SRMS: variants seen among roughly 807,000 people sequenced by gnomAD.
SRMS encodes tyrosine-protein kinase Srms.
SRMS carries 42 observed loss-of-function variants against 43.5 expected under a neutral mutation model. The ratio of observed to expected loss-of-function variants is 0.97; its 90% CI spans 0.75 to 1.25. The LOEUF is 1.25. SRMS is among the 50% of genes most tolerant of loss of function. The probability of loss-of-function intolerance (pLI) is 0.00; values close to 1 mark genes in which losing one functional copy is unlikely to be tolerated. For missense variants in SRMS, 703 were observed against 681.0 expected (o/e 1.03, Z -0.36); for synonymous variants, 316 against 308.2 (o/e 1.03, Z -0.27).
intron 1 of SRMS, among the ~76,000 whole-genome samples, 163 bp from the exon 2 acceptor site, chr20:63,544,511 C>T (rs2082720794): frequency 6.6e-6 from 1 of 152,220 alleles, no homozygotes; most frequent in Non-Finnish European, 1.5e-5. Context: ...TGCACTGCCT[C>T]AGCCCCCAGT....
intron 5 of SRMS, 47 bp downstream of exon 5, chr20:63,542,116 C>T (rs745689202): frequency 1.6e-5 from 25 of 1,573,980 alleles, no homozygotes; most frequent in East Asian, 1.1e-4. Flanking sequence ...AGGGAAGGGG[C>T]GGTCGCAGGC....
chr20:63,547,336 G>A lies in SRMS; in HGVS notation c.128C>T (p.Thr43Met), dbSNP rs934369393. 17 of 1,591,090 alleles carry A rather than the reference G, an allele frequency of 1.1e-5. No individual in the cohort carries two copies. Among genetic ancestry groups the A allele is most frequent in the African/African-American group, 2.7e-5 (2 of 74,304 alleles). The stretch of plus-strand genomic sequence containing the variant: ...GGGGCTGCAAGGCTCGGCGGGGAGC[G>A]TGGGCACTGGGTCAGTGTTGGGGTC... ...SLDPNTDPVP[T>M]LPAEPCSPFP... The change falls in exon 1 of 8, where the codon ACG (threonine) becomes ATG (methionine). Residue 43 changes from threonine to methionine, a missense_variant. Coordinates refer to ENST00000217188, the MANE Select transcript of SRMS (RefSeq NM_080823.4).
intron 3 of SRMS, 69 bp from the exon 4 acceptor site, chr20:63,542,650 C>A (rs2082711499): frequency 4.1e-5 from 62 of 1,503,504 alleles, no homozygotes; most frequent in Non-Finnish European, 4.9e-5. Flanking sequence ...CACAGCCCCC[C>A]ACACCAGGCC....
intron 5 of SRMS, 91 bp from the exon 6 acceptor site, chr20:63,541,711 C>G (rs947575703): frequency 1.5e-6 from 2 of 1,376,566 alleles, no homozygotes; most frequent in Non-Finnish European, 1.9e-6. Flanking sequence ...CATGCCTCAG[C>G]CTCCTCATCT....
rs200183703 is a variant in SRMS at position 63,540,856 on chromosome 20, G to T, written c.1429C>A (p.Arg477=). The T allele has an allele frequency of 2.0e-5, 32 of 1,605,248 alleles. 1 individual carries two copies. The highest frequency in any genetic ancestry group is 6.7e-5 in the Admixed American group (4 of 59,932). ...CTGTGGATGGCGTGCAGCTTCTCCC[G>T]CAGCGTGGCGAAGGAGGGCCGTTCC... ...PEERPSFATL[R]EKLHAIHRCH... The change falls in exon 8 of 8, where the codon CGG becomes AGG. Residue 477 remains arginine, a synonymous_variant. Transcript: ENST00000217188.
rs768410514 is a variant in SRMS, at chr20:63,542,459, C to T, written c.768G>A (p.Ala256=). 1.2e-5 allele frequency: 19 copies of T among 1,611,756 alleles called. No individual in the cohort carries two copies. The East Asian group carries it at 2.0e-4, about 17-fold the overall frequency. The change falls in exon 4 of 8, where the codon GCG becomes GCA. Residue 256 remains alanine (A), a synonymous_variant. Coordinates refer to ENST00000217188, the MANE Select transcript of SRMS (RefSeq NM_080823.4). ...EGLWLGSLPV[A]IKVIKSANMK... ...CCTCACCTGACTTGATGACCTTGAT[C>T]GCCACGGGCAGGGAGCCCAGCCACA...
rs565503170 is a variant in SRMS, at chr20:63,540,237, G to A, written c.*581C>T. Among the ~76,000 whole-genome samples, 22 of 152,198 alleles carry A rather than the reference G, an allele frequency of 1.4e-4. No individual in the cohort carries two copies. The highest frequency in any genetic ancestry group is 2.4e-4 in the Non-Finnish European group (16 of 68,030). The stretch of plus-strand genomic sequence containing the variant: ...GAGGGGCAGGTGACGGTGCCACCCC[G>A]TGCCTACATACCACACATCCAGTGG... On this transcript the variant is annotated 3_prime_UTR_variant, in exon 8 of 8. Coordinates refer to ENST00000217188, the MANE Select transcript of SRMS (RefSeq NM_080823.4).
chr20:63,546,982 C>T (rs2082735236), intron 1 of SRMS, 126 bp downstream of exon 1: 12 of 897,560 alleles, frequency 1.3e-5, no homozygotes, highest in Non-Finnish European at 1.9e-5. Context: ...TGAATGAATG[C>T]GTGGATGAAC....
chr20:63,542,595 G>T lies in SRMS; in HGVS notation c.646-14C>A. On this transcript the variant is annotated splice_polypyrimidine_tract_variant and intron_variant, in intron 3 of 7. Coordinates refer to ENST00000217188, the MANE Select transcript of SRMS (RefSeq NM_080823.4). ...CCTCGGGGCCTTCTGCAGGGAGGGT[G>T]GGCAGGGAGGCTGGTCAGCGTGGGC... 1.2e-6 allele frequency: 2 copies of T among 1,600,076 alleles called. No homozygotes were observed. The highest frequency in any genetic ancestry group is 2.3e-5 in the South Asian group (2 of 88,580).
At chr20:63,542,085 C>A in intron 5 of SRMS, 78 bp downstream of exon 5, 1 of 1,535,496 alleles carries the variant, frequency 6.5e-7, no homozygotes. Flanking sequence ...GGAAACCCCG[C>A]AGGTTCAGCT....
At chr20:63,544,578 C>T (rs955110245) in intron 1 of SRMS, among the ~76,000 whole-genome samples, 3 of 152,244 alleles carry the variant, frequency 2.0e-5, no homozygotes, top group South Asian at 2.1e-4. Context: ...GTGGGCTCTC[C>T]GTTAGCCCTG....
rs778999480 is a variant in SRMS at position 63,542,162 on chromosome 20, C to T, written c.946+1G>A. The T allele has an allele frequency of 1.6e-5, 25 of 1,604,966 alleles. No individual in the cohort carries two copies. The highest frequency in any genetic ancestry group is 9.0e-5 in the East Asian group (4 of 44,528). ...CACGTGGCAGCAGGGAGGGGACTCA[C>T]TGCCCAGGAAGGCCTGCAGGTTCCC... On this transcript the variant is annotated splice_donor_variant, in intron 5 of 7. Coordinates refer to ENST00000217188, the MANE Select transcript of SRMS (RefSeq NM_080823.4). LOFTEE classifies it high-confidence loss of function.
In SRMS at chr20:63,543,418, G is replaced by C. The variant is rs1230302608; in HGVS notation, c.541C>G (p.Leu181Val). ...CCGGGAAAGAGCCGTCCCTTCTGCA[G>C]GTAGAGGCTGCCATCAGCTGCCATG... Reference protein sequence around the residue: ...VSMAADGSLYLQKGRLFPGLE... With the variant: ...VSMAADGSLYVQKGRLFPGLE... The change falls in exon 3 of 8, where the codon CTG (leucine) becomes GTG (valine). Residue 181 changes from leucine (L) to valine (V), a missense_variant. Coordinates refer to ENST00000217188, the MANE Select transcript of SRMS (RefSeq NM_080823.4). The C allele has an allele frequency of 1.2e-6, 2 of 1,612,740 alleles. No individual in the cohort carries two copies. The highest frequency in any genetic ancestry group is 2.7e-5 in the African/African-American group (2 of 74,948).
intron 1 of SRMS, among the ~76,000 whole-genome samples, chr20:63,546,643 TCAGCCCC>T (rs540102127): frequency 7.2e-6 from 1 of 138,076 alleles, no homozygotes; most frequent in South Asian, 2.3e-4. Flanking sequence ...GGCCCCTGTC[TCAGCCCC>T]CAGCCCCCAG....
Position 63,547,645 on chromosome 20 carries a change from G to A in SRMS, c.-182C>T, listed in dbSNP as rs554533424. 191 of 578,234 alleles carry A rather than the reference G, an allele frequency of 3.3e-4. No homozygotes were observed. The highest frequency in any genetic ancestry group is 3.0e-3 in the African/African-American group (153 of 50,404). 35.8% of individuals were successfully genotyped at this position (578,234 alleles called of 1,614,324 possible). On this transcript the variant is annotated 5_prime_UTR_variant, in exon 1 of 8. Transcript: ENST00000217188. ...ATCCAGGAGGCACACGGTTCCCACC[G>A]GCGTCCGGGCTGGCGTTGGGGCTGG...
chr20:63,538,783 C>G lies in SRMS; in HGVS notation c.*2035G>C, dbSNP rs2145980827. Reference sequence around the variant, plus strand: ...CCTGGCCGGGCAGCGTCCCTCAGAGCCCGGCCAGACTCTGGGCCCGTGAGT... The same window carrying G: ...CCTGGCCGGGCAGCGTCCCTCAGAGGCCGGCCAGACTCTGGGCCCGTGAGT... On this transcript the variant is annotated 3_prime_UTR_variant, in exon 8 of 8. Coordinates refer to ENST00000217188, the MANE Select transcript of SRMS (RefSeq NM_080823.4). Among the ~76,000 whole-genome samples the G allele has an allele frequency of 6.6e-6, 1 of 152,212 alleles. No individual in the cohort carries two copies. The highest frequency in any genetic ancestry group is 2.4e-5 in the African/African-American group (1 of 41,556).
In SRMS at chr20:63,541,310, G is replaced by A. The variant is rs755024173; in HGVS notation, c.1166C>T (p.Pro389Leu). The A allele has an allele frequency of 1.1e-5, 17 of 1,547,912 alleles. No individual in the cohort carries two copies. The highest frequency in any genetic ancestry group is 4.1e-5 in the African/African-American group (3 of 72,400). ...CGCCTCAGGCGCTGTCCACTTGACC[G>A]GGATCTTGGAGCTGCTGCTCGGGGA... ...IYSPSSSSKI[P>L]VKWTAPEAAN... The change falls in exon 7 of 8, where the codon CCG (proline) becomes CTG (leucine). Residue 389 changes from proline to leucine, a missense_variant. By Grantham distance (98) the Pro-to-Leu change is moderately conservative. Transcript: ENST00000217188.
Position 63,542,424 on chromosome 20 carries a change from G to A in SRMS, c.787+16C>T, listed in dbSNP as rs553411187. 1 of 1,607,130 alleles carries A rather than the reference G, an allele frequency of 6.2e-7. No homozygotes were observed. Among genetic ancestry groups the A allele is most frequent in the South Asian group, 1.1e-5 (1 of 90,664 alleles). On this transcript the variant is annotated intron_variant, in intron 4 of 7. Transcript: ENST00000217188. ...GGTGCGGGGCCCGGCCGTGGCGCAGGATCTCGGGGCCTCACCTGACTTGAT... is the reference window on the plus strand; with the variant it reads ...GGTGCGGGGCCCGGCCGTGGCGCAGAATCTCGGGGCCTCACCTGACTTGAT...
intron 1 of SRMS, 51 bp downstream of exon 1, chr20:63,547,057 C>T (rs373243702): frequency 8.3e-5 from 121 of 1,450,640 alleles, no homozygotes; most frequent in Non-Finnish European, 1.1e-4. Context: ...TTGTTCTGGA[C>T]TCCCCAGCTG....
Sources: allele counts gnomAD v4.1 joint callset (sites outside exome capture counted in the v4.1 genomes callset), GRCh38; gene constraint gnomAD v4.1.1; transcripts MANE v1.5; gene names NCBI Gene and HGNC (gene_info 2026-07-23, HGNC 2026-07-21).